Variants in HTR1F observed in about 807,000 individuals in gnomAD.
HTR1F encodes the protein 5-hydroxytryptamine receptor 1F, also known as 5-hydroxytryptamine (serotonin) receptor 1F, G protein-coupled.
A neutral mutation model predicts 24.0 loss-of-function variants in HTR1F; 17 were observed. That is an observed-to-expected ratio of 0.71 (90% CI 0.48 to 1.06). The LOEUF is 1.06. HTR1F is among the 50% of genes least tolerant of loss of function. The pLI, the probability that HTR1F is intolerant of heterozygous loss-of-function variation, is 0.00. For synonymous variants in HTR1F, 186 were observed against 156.8 expected, an observed-to-expected ratio of 1.19 and a Z score of -1.39; for missense variants, 391 against 427.8, an observed-to-expected ratio of 0.91 and a Z score of 0.76.
chr3:87,798,113 G>A (rs571267346), intron 1 of HTR1F, among the ~76,000 whole-genome samples: 3 of 152,070 alleles, frequency 2.0e-5, no homozygotes, highest in East Asian at 1.9e-4. Flanking sequence ...AATGTCATTC[G>A]GATCATCACT....
intron 2 of HTR1F, among the ~76,000 whole-genome samples, chr3:87,967,988 T>C (rs1203916756): frequency 1.3e-5 from 2 of 152,208 alleles, no homozygotes; most frequent in Non-Finnish European, 2.9e-5. Flanking sequence ...AGTTTGGAAC[T>C]TCCTGTAGAC....
chr3:87,954,328 G>A (rs1257398733), intron 2 of HTR1F, among the ~76,000 whole-genome samples: 3 of 151,672 alleles, frequency 2.0e-5, no homozygotes, highest in Non-Finnish European at 1.5e-5. Context: ...TAAATATTAT[G>A]TATCAATTAA....
chr3:87,842,015 C>T lies in HTR1F; in HGVS notation c.-43+19891C>T, dbSNP rs1704819270. Among the ~76,000 whole-genome samples, 3 of 150,420 alleles carry T rather than the reference C, an allele frequency of 2.0e-5. No individual in the cohort carries two copies. The South Asian group carries it at 6.3e-4, about 32-fold the overall frequency. ...AGACTTCACTCCTAGTAACGTTTTT[C>T]CCCTCTCTTCCTGAAATTAAAAGTT... On this transcript the variant is annotated intron_variant, in intron 2 of 2. Coordinates refer to ENST00000319595, the MANE Select transcript of HTR1F (RefSeq NM_001322209.2).
chr3:87,899,406 T>C (rs1706274173), intron 2 of HTR1F, among the ~76,000 whole-genome samples: 1 of 152,198 alleles, frequency 6.6e-6, no homozygotes, highest in South Asian at 2.1e-4. Flanking sequence ...TCATTTTTGT[T>C]TTTACTTGTC....
At chr3:87,955,423 G>A (rs890883339) in intron 2 of HTR1F, among the ~76,000 whole-genome samples, 5 of 151,368 alleles carry the variant, frequency 3.3e-5, no homozygotes, top group African/African-American at 1.2e-4. Context: ...TTGTATGAAT[G>A]GCACATCTTT....
At chr3:87,980,202 G>A (rs1177305305) in intron 2 of HTR1F, among the ~76,000 whole-genome samples, 1 of 152,172 alleles carries the variant, frequency 6.6e-6, no homozygotes, top group Non-Finnish European at 1.5e-5. Context: ...GCTTTATTGA[G>A]CAATATTACA....
chr3:87,814,993 T>C (rs536922158), intron 1 of HTR1F, among the ~76,000 whole-genome samples: 1 of 152,140 alleles, frequency 6.6e-6, no homozygotes, highest in Non-Finnish European at 1.5e-5. Context: ...CTATGGGCAA[T>C]GACACATGGA....
rs1239538922 is a variant in HTR1F at position 87,993,794 on chromosome 3, T to C, written c.*1944T>C. On this transcript the variant is annotated 3_prime_UTR_variant, in exon 3 of 3. Coordinates refer to ENST00000319595, the MANE Select transcript of HTR1F (RefSeq NM_001322209.2). ...GACGATGGGTAATCACTGATACTTT[T>C]AGCAAAAATATTACAAGTTTAGAGC... The C allele has an allele frequency of 6.0e-6, 1 of 166,594 alleles. No individual in the cohort carries two copies. Among genetic ancestry groups the C allele is most frequent in the African/African-American group, 2.4e-5 (1 of 41,298 alleles). 10.3% of individuals were successfully genotyped at this position (166,594 alleles called of 1,614,324 possible).
chr3:87,884,761 A>G (rs1363994183), intron 2 of HTR1F, among the ~76,000 whole-genome samples: 1 of 152,196 alleles, frequency 6.6e-6, no homozygotes. Flanking sequence ...AGGCCATTAC[A>G]TAATGGTAAA....
At chr3:87,882,690 C>A (rs1329044719) in intron 2 of HTR1F, among the ~76,000 whole-genome samples, 1 of 130,460 alleles carries the variant, frequency 7.7e-6, no homozygotes, top group African/African-American at 3.0e-5. Flanking sequence ...GAACATCACA[C>A]TCTGGGGACT....
chr3:87,899,411 C>T (rs1169318970), intron 2 of HTR1F, among the ~76,000 whole-genome samples: 2 of 152,102 alleles, frequency 1.3e-5, no homozygotes, highest in African/African-American at 2.4e-5. Flanking sequence ...TTTGTTTTTA[C>T]TTGTCATAAT....
chr3:87,939,984 T>C (rs987407497), intron 2 of HTR1F, among the ~76,000 whole-genome samples: 15 of 152,240 alleles, frequency 9.9e-5, no homozygotes, highest in Admixed American at 8.5e-4. Flanking sequence ...CTTTCCTGCA[T>C]TCTCCTGTGA....
At chr3:87,928,752 C>T (rs1235652126) in intron 2 of HTR1F, among the ~76,000 whole-genome samples, 1 of 152,126 alleles carries the variant, frequency 6.6e-6, no homozygotes, top group Non-Finnish European at 1.5e-5. Flanking sequence ...TACAAGATAA[C>T]ACAGAAACTA....
At chr3:87,881,987 T>C (rs1705813857) in intron 2 of HTR1F, among the ~76,000 whole-genome samples, 2 of 152,138 alleles carry the variant, frequency 1.3e-5, no homozygotes, top group East Asian at 3.9e-4. Context: ...ATCCAGAATC[T>C]ACAATGAACT....
chr3:87,818,344 T>C (rs1175846647), intron 1 of HTR1F, among the ~76,000 whole-genome samples: 1 of 152,194 alleles, frequency 6.6e-6, no homozygotes, highest in Non-Finnish European at 1.5e-5. Flanking sequence ...TCAGGCCCAC[T>C]GTTTGGCACA....
At chr3:87,848,331 T>A (rs1288687954) in intron 2 of HTR1F, among the ~76,000 whole-genome samples, 2 of 151,902 alleles carry the variant, frequency 1.3e-5, no homozygotes, top group African/African-American at 4.9e-5. Context: ...AAATGTCTAT[T>A]CATGTCTTTT....
chr3:87,899,040 G>A (rs1177017728), intron 2 of HTR1F, among the ~76,000 whole-genome samples: 1 of 152,116 alleles, frequency 6.6e-6, no homozygotes, highest in East Asian at 1.9e-4. Context: ...ACATGCTCCA[G>A]GAAGTAAGCA....
rs12054404 is a variant in HTR1F at position 87,927,542 on chromosome 3, T to A, written c.-42-63166T>A. Among the ~76,000 whole-genome samples the A allele has an allele frequency of 1.9e-4, 29 of 152,240 alleles. No individual in the cohort carries two copies. The East Asian group carries it at 5.2e-3, about 27-fold the overall frequency. ...TATTATATTATTTGGGTTTCCTAAA[T>A]GGTATATTATATTTAGAAATCTAAA... On this transcript the variant is annotated intron_variant, in intron 2 of 2. Transcript: ENST00000319595.
At chr3:87,877,451 A>G (rs977675681) in intron 2 of HTR1F, among the ~76,000 whole-genome samples, 2 of 152,100 alleles carry the variant, frequency 1.3e-5, no homozygotes, top group African/African-American at 2.4e-5. Flanking sequence ...TAAATGGGGG[A>G]TTACTAGTTA....
Sources: allele counts gnomAD v4.1 joint callset (sites outside exome capture counted in the v4.1 genomes callset), GRCh38; gene constraint gnomAD v4.1.1; transcripts MANE v1.5; gene names NCBI Gene and HGNC (gene_info 2026-07-23, HGNC 2026-07-21).